TEX14: variants seen among roughly 807,000 people sequenced by gnomAD.
The protein encoded by TEX14 is inactive serine/threonine-protein kinase TEX14.
Under a neutral mutation model 178.6 loss-of-function variants are expected in TEX14, and 168 were observed. The observed-to-expected ratio is 0.94, with a 90% CI of 0.83 to 1.07. The LOEUF (loss-of-function observed/expected upper bound fraction) is 1.07. Ranked by LOEUF, TEX14 falls within the 50% of genes least tolerant of loss-of-function variation. The pLI is 0.00. For synonymous variants in TEX14, 626 were observed against 634.1 expected (o/e 0.99, Z 0.19); for missense variants, 1,730 against 1,753.6 (o/e 0.99, Z 0.24).
Position 58,611,150 on chromosome 17 carries a change from GT to G in TEX14, c.1184+10del, listed in dbSNP as rs142220238. 0.035 allele frequency: 55,801 copies of G among 1,608,696 alleles called. 1,199 individuals carry two copies. The highest frequency in any genetic ancestry group is 0.041 in the Non-Finnish European group (47,759 of 1,175,318). ...ACTTCAGGAGAAAGTCCCACTCCAT[GT>G]TATGCCCACCTTTCCAACATGTACT... On this transcript the variant is annotated intron_variant, in intron 10 of 31. Transcript: ENST00000349033.
At chr17:58,645,882 A>G (rs1282346451) in intron 2 of TEX14, among the ~76,000 whole-genome samples, 1 of 152,212 alleles carries the variant, frequency 6.6e-6, no homozygotes, top group Admixed American at 6.6e-5. Context: ...GTATTTGCAT[A>G]TAATCTATCT....
At chr17:58,589,495 G>A (rs1412761921) in intron 15 of TEX14, among the ~76,000 whole-genome samples, 1 of 147,182 alleles carries the variant, frequency 6.8e-6, no homozygotes, top group Non-Finnish European at 1.5e-5. Context: ...CCGGGAGGCA[G>A]AGGTTGCAGT....
At chr17:58,595,492 G>C (rs544173319) in intron 14 of TEX14, among the ~76,000 whole-genome samples, 51 of 152,224 alleles carry the variant, frequency 3.4e-4, no homozygotes, top group Non-Finnish European at 6.2e-4. Context: ...AGCAGCGAAA[G>C]TGATACAATC....
intron 4 of TEX14, among the ~76,000 whole-genome samples, chr17:58,622,330 G>A (rs1011539212): frequency 6.6e-6 from 1 of 151,728 alleles, no homozygotes; most frequent in Non-Finnish European, 1.5e-5. Flanking sequence ...CTTGTAATCC[G>A]AGCTACTCAG....
chr17:58,619,485 A>G (rs1426720908), intron 5 of TEX14, among the ~76,000 whole-genome samples: 1 of 152,166 alleles, frequency 6.6e-6, no homozygotes, highest in Non-Finnish European at 1.5e-5. Flanking sequence ...GCTAACTCTA[A>G]TTTCAAGAAT....
In TEX14 at chr17:58,593,775, C is replaced by T. The variant is rs1236767878; in HGVS notation, c.2470-114G>A. ...AAATGTATAGAAATAACCAGACCTA[C>T]CAGGATTTTCCTTTGCATGTTTCCT... On this transcript the variant is annotated intron_variant, in intron 14 of 31. Coordinates refer to ENST00000349033, the MANE Select transcript of TEX14 (RefSeq NM_031272.5). 12 of 831,902 alleles carry T rather than the reference C, an allele frequency of 1.4e-5. No individual in the cohort carries two copies. In the Admixed American group the frequency reaches 2.1e-4, roughly 15 times the overall value. The allele number at this position is 831,902 out of a possible 1,614,324, so 51.5% of individuals were successfully genotyped here.
At position 58,570,487 on chromosome 17, in the gene TEX14, A is replaced by G. The variant is rs370769291; in HGVS notation, c.3718-3T>C. The G allele has an allele frequency of 1.8e-5, 27 of 1,518,738 alleles. No individual in the cohort carries two copies. Among genetic ancestry groups the G allele is most frequent in the Non-Finnish European group, 2.4e-5 (27 of 1,143,204 alleles). The allele number at this position is 1,518,738 out of a possible 1,614,324, so 94.1% of individuals were successfully genotyped here. A position where few individuals can be genotyped will look rare whatever the true frequency, so the allele number is the denominator to read the frequency against. On this transcript the variant is annotated splice_polypyrimidine_tract_variant and splice_region_variant and intron_variant, in intron 24 of 31. Coordinates refer to ENST00000349033, the MANE Select transcript of TEX14 (RefSeq NM_031272.5). The stretch of plus-strand genomic sequence containing the variant: ...CCAATAAATGAAGACAATCTTTTCT[A>G]TAAGGAAGAGATAAACATGGTAACT...
In TEX14 at chr17:58,602,437, A is replaced by G. The variant is rs139416487; in HGVS notation, c.1490T>C (p.Leu497Pro). 1.5e-4 allele frequency: 241 copies of G among 1,613,922 alleles called. No individual in the cohort carries two copies. The highest frequency in any genetic ancestry group is 1.9e-4 in the Non-Finnish European group (229 of 1,179,990). ...CTTCAGAATATACCGGATATCTTGA[A>G]GGTTCATAGTTCGGTCTTTCTGCTT... Reference protein sequence around the residue: ...HVKQKDRTMNLQDIRYILKND... With the variant: ...HVKQKDRTMNPQDIRYILKND... Residue 497 changes from leucine to proline, a missense_variant, in exon 12 of 32, where the codon CTT becomes CCT. Physicochemically the swap from Leu to Pro is moderately conservative, Grantham distance 98 (BLOSUM62 -3). Transcript: ENST00000349033.
chr17:58,669,755 A>G (rs1007578527), intron 1 of TEX14, among the ~76,000 whole-genome samples: 5 of 151,624 alleles, frequency 3.3e-5, no homozygotes, highest in African/African-American at 4.8e-5. Flanking sequence ...AAAAAAAAAA[A>G]AGCCAGCAAC....
chr17:58,679,071 T>C (rs34478310), intron 1 of TEX14, among the ~76,000 whole-genome samples: 2,121 of 152,150 alleles, frequency 0.014, 30 homozygotes, highest in Non-Finnish European at 0.017. Flanking sequence ...GGAGAATCCC[T>C]TGAACCCTTG....
intron 15 of TEX14, 83 bp from the exon 16 acceptor site, chr17:58,588,104 T>G (rs75885144): frequency 3.0e-6 from 2 of 677,850 alleles, no homozygotes; most frequent in Non-Finnish European, 5.4e-6. Flanking sequence ...ATAAAAGTGC[T>G]CTTGGGAGAT....
In TEX14 at chr17:58,556,770, C is replaced by G. The variant is rs1567985132; in HGVS notation, c.*241G>C. 2.2e-6 allele frequency: 1 copy of G among 457,926 alleles called. No individual in the cohort carries two copies. Among genetic ancestry groups the G allele is most frequent in the Non-Finnish European group, 3.9e-6 (1 of 258,584 alleles). 28.4% of individuals were successfully genotyped at this position (457,926 alleles called of 1,614,324 possible). The stretch of plus-strand genomic sequence containing the variant: ...AAACCAAAGCCATTCTAGGCACAAC[C>G]AAAAATTTTTACTATCAAAACTACC... On this transcript the variant is annotated 3_prime_UTR_variant, in exon 32 of 32. Transcript: ENST00000349033.
intron 2 of TEX14, among the ~76,000 whole-genome samples, chr17:58,640,644 T>A (rs8071903): frequency 0.014 from 2,047 of 147,114 alleles, 24 homozygotes; most frequent in East Asian, 0.063. Flanking sequence ...TGTGTGTGTG[T>A]GAGAGAGAGA....
At chr17:58,561,051 T>A (rs760872288) in intron 29 of TEX14, among the ~76,000 whole-genome samples, 10 of 152,242 alleles carry the variant, frequency 6.6e-5, no homozygotes, top group Admixed American at 1.3e-4. Context: ...AAGCTTCTGA[T>A]GAAAACTTCT....
chr17:58,639,530 G>A (rs1012208937), intron 2 of TEX14, among the ~76,000 whole-genome samples: 5 of 151,896 alleles, frequency 3.3e-5, no homozygotes, highest in Admixed American at 6.6e-5. Flanking sequence ...GAGAAACCAC[G>A]TCTCTACTAA....
intron 2 of TEX14, among the ~76,000 whole-genome samples, chr17:58,649,424 C>T (rs940983323): frequency 3.3e-5 from 5 of 152,098 alleles, no homozygotes; most frequent in African/African-American, 1.2e-4. Context: ...TAAATGATAT[C>T]CTAACAAGCC....
intron 17 of TEX14, among the ~76,000 whole-genome samples, chr17:58,586,863 G>A (rs1007078797): frequency 2.0e-5 from 3 of 152,032 alleles, no homozygotes; most frequent in Non-Finnish European, 2.9e-5. Flanking sequence ...ATATGTGCAC[G>A]TTAGGTGAAC....
At chr17:58,658,243 CCT>C (rs912977639) in intron 1 of TEX14, among the ~76,000 whole-genome samples, 15 of 152,164 alleles carry the variant, frequency 9.9e-5, no homozygotes, top group African/African-American at 1.7e-4. Context: ...TTGCAATTCC[CCT>C]GTCTTGATGA....
intron 3 of TEX14, among the ~76,000 whole-genome samples, chr17:58,625,391 TC>T (rs1298614292): frequency 6.6e-6 from 1 of 152,178 alleles, no homozygotes; most frequent in Non-Finnish European, 1.5e-5. Context: ...CGCCTCATCC[TC>T]CCAAAGTGCT....
Sources: gnomAD v4.1 joint callset for allele counts (sites outside exome capture counted in the v4.1 genomes callset) on GRCh38, gnomAD v4.1.1 for gene constraint, MANE v1.5 for transcripts, NCBI Gene and HGNC (gene_info 2026-07-23, HGNC 2026-07-21) for gene names.